The following EML5 variants were observed in gnomAD, a reference collection of about 807,000 sequenced individuals.
EML5 encodes echinoderm microtubule-associated protein-like 5.
EML5 carries 120 observed loss-of-function variants against 250.0 expected under a neutral mutation model. The observed-to-expected ratio is 0.48, with a 90% CI of 0.41 to 0.56. The LOEUF (loss-of-function observed/expected upper bound fraction) is 0.56. Among genes scored for constraint, EML5 ranks in the 20% least tolerant of loss-of-function variants. The pLI is 0.00. For synonymous variants in EML5, 771 were observed against 806.5 expected, an observed-to-expected ratio of 0.96 and a Z score of 0.75; for missense variants, 2,006 against 2,437.6, an observed-to-expected ratio of 0.82 and a Z score of 3.73.
chr14:88,791,844 C>G (rs2094611439), intron 1 of EML5, among the ~76,000 whole-genome samples: 1 of 152,188 alleles, frequency 6.6e-6, no homozygotes, highest in African/African-American at 2.4e-5. Context: ...CCCTTCAGGA[C>G]GCCACCCTGG....
In EML5 at chr14:88,649,928, T is replaced by C; in HGVS notation, c.4005-2A>G. On this transcript the variant is annotated splice_acceptor_variant, in intron 27 of 43. Coordinates refer to ENST00000554922, the MANE Select transcript of EML5 (RefSeq NM_183387.3). LOFTEE classifies it high-confidence loss of function. Reference sequence around the variant, plus strand: ...AACACTTACCTTACTACTCCCTGCCTTCAAAAGGAGCAAGGGGGAAAAAAG... The same window carrying C: ...AACACTTACCTTACTACTCCCTGCCCTCAAAAGGAGCAAGGGGGAAAAAAG... 6.7e-7 allele frequency: 1 copy of C among 1,486,874 alleles called. No homozygotes were observed. Among genetic ancestry groups the C allele is most frequent in the Non-Finnish European group, 8.9e-7 (1 of 1,118,784 alleles). The allele number at this position is 1,486,874 out of a possible 1,614,324, so 92.1% of individuals were successfully genotyped here.
intron 8 of EML5, among the ~76,000 whole-genome samples, chr14:88,721,982 A>G (rs948279680): frequency 2.0e-5 from 3 of 152,210 alleles, no homozygotes; most frequent in African/African-American, 7.2e-5. Flanking sequence ...TTGAAAGACA[A>G]CATTTATGTG....
At chr14:88,689,677 T>C (rs1595531984) in intron 17 of EML5, among the ~76,000 whole-genome samples, 1 of 152,218 alleles carries the variant, frequency 6.6e-6, no homozygotes, top group South Asian at 2.1e-4. Flanking sequence ...GAGGTTGCAG[T>C]GAGCCATGAT....
rs1402940561 is a variant in EML5, at chr14:88,682,049, G to A, written c.2983-18C>T. On this transcript the variant is annotated intron_variant, in intron 20 of 43. Coordinates refer to ENST00000554922, the MANE Select transcript of EML5 (RefSeq NM_183387.3). ...ATGTGTCCCTATAAAGAAAACATAG[G>A]ATCAATTTAGTGTATGTGTGTGTAT... 13 of 1,573,730 alleles carry A rather than the reference G, an allele frequency of 8.3e-6. No homozygotes were observed. The highest frequency in any genetic ancestry group is 1.1e-5 in the Non-Finnish European group (13 of 1,164,400).
chr14:88,633,063 C>A (rs1368141538), intron 33 of EML5, among the ~76,000 whole-genome samples: 1 of 152,120 alleles, frequency 6.6e-6, no homozygotes, highest in African/African-American at 2.4e-5. Context: ...CCTGTGATTT[C>A]TCCTAGTGAA....
At chr14:88,664,671 C>CT in intron 22 of EML5, 47 bp from the exon 23 acceptor site, 1 of 1,567,376 alleles carries the variant, frequency 6.4e-7, no homozygotes, top group Non-Finnish European at 8.6e-7. Context: ...TTTGGAAATA[C>CT]TTTTTTACAC....
rs189170187 is a variant in EML5 at position 88,681,333 on chromosome 14, G to A, written c.3124+557C>T. ...GTTCATTTTAAACTTGGAATTGGCCGGGGGCCGTGGCTCACGCCTGTGATC... is the reference window on the plus strand; with the variant it reads ...GTTCATTTTAAACTTGGAATTGGCCAGGGGCCGTGGCTCACGCCTGTGATC... On this transcript the variant is annotated intron_variant, in intron 21 of 43. Transcript: ENST00000554922. Among the ~76,000 whole-genome samples, 193 of 152,290 alleles carry A rather than the reference G, an allele frequency of 1.3e-3. 1 individual carries two copies. The highest frequency in any genetic ancestry group is 3.4e-3 in the African/African-American group (143 of 41,562).
intron 33 of EML5, among the ~76,000 whole-genome samples, chr14:88,630,005 C>G (rs1360044328): frequency 6.8e-6 from 1 of 148,014 alleles, no homozygotes; most frequent in Admixed American, 6.8e-5. Context: ...GCCTTTGATG[C>G]AGTATAATAA....
chr14:88,743,131 G>GA (rs1435576272), intron 4 of EML5, among the ~76,000 whole-genome samples: 1 of 152,072 alleles, frequency 6.6e-6, no homozygotes, highest in Non-Finnish European at 1.5e-5. Flanking sequence ...TCAAGGCTGA[G>GA]AGAGGGACAA....
chr14:88,726,809 A>G, intron 7 of EML5, 131 bp from the exon 8 acceptor site: 1 of 657,950 alleles, frequency 1.5e-6, no homozygotes, highest in Non-Finnish European at 2.4e-6. Flanking sequence ...GTGGCAAGAA[A>G]TTCTTATCTA....
chr14:88,702,503 A>G lies in EML5; in HGVS notation c.2181T>C (p.Asp727=). 1.2e-6 allele frequency: 2 copies of G among 1,613,544 alleles called. No individual in the cohort carries two copies. The highest frequency in any genetic ancestry group is 1.3e-5 in the African/African-American group (1 of 75,048). ...GAATAGTTAGGCAGAGAATATCATCATCATGACCCAGATAAAAACGCTGTG... is the reference window on the plus strand; with the variant it reads ...GAATAGTTAGGCAGAGAATATCATCGTCATGACCCAGATAAAAACGCTGTG... The part of the protein sequence containing the change: ...QNTQRFYLGH[D]DDILCLTIHP... The change falls in exon 14 of 44, where the codon GAT becomes GAC. Residue 727 remains aspartate (D), a synonymous_variant. Coordinates refer to ENST00000554922, the MANE Select transcript of EML5 (RefSeq NM_183387.3).
At position 88,628,000 on chromosome 14, in the gene EML5, G is replaced by A. The variant is rs1437178473; in HGVS notation, c.4358-181C>T. ...GAAAGGAAAAGGAGTTTTGGGGGTG[G>A]GGAGGAAAGAAAAGGAAAATATATA... On this transcript the variant is annotated intron_variant, in intron 33 of 43. Coordinates refer to ENST00000554922, the MANE Select transcript of EML5 (RefSeq NM_183387.3). The A allele has an allele frequency of 1.0e-5, 7 of 700,524 alleles. No homozygotes were observed. In the South Asian group the frequency reaches 1.1e-4, roughly 11 times the overall value. The allele number at this position is 700,524 out of a possible 1,614,324, so 43.4% of individuals were successfully genotyped here.
Position 88,621,177 on chromosome 14 carries a change from G to A in EML5, c.5138C>T (p.Ser1713Phe). The A allele has an allele frequency of 1.2e-6, 2 of 1,613,850 alleles. No individual in the cohort carries two copies. The highest frequency in any genetic ancestry group is 1.7e-6 in the Non-Finnish European group (2 of 1,179,854). Residue 1713 changes from serine to phenylalanine, a missense_variant, in exon 38 of 44, where the codon TCC (serine) becomes TTC (phenylalanine). Ser to Phe is a radical substitution (Grantham distance 155). Transcript: ENST00000554922. ...TGCAGCAGAAAGGAAAAAATCCCTG[G>A]AAGGATGTGTTGCTAGTCCCCAGAT... ...GPIWGLATHP[S>F]RDFFLSAAED... is the part of the protein sequence containing the mutation.
At chr14:88,668,115 T>G (rs542108243) in intron 21 of EML5, among the ~76,000 whole-genome samples, 7 of 152,364 alleles carry the variant, frequency 4.6e-5, no homozygotes, top group Admixed American at 1.3e-4. Flanking sequence ...CTAGGGTTGC[T>G]GCTTTCTATG....
chr14:88,627,361 C>A, intron 34 of EML5: 1 of 450,232 alleles, frequency 2.2e-6, no homozygotes, highest in Non-Finnish European at 3.9e-6. Flanking sequence ...CAAAACCAAT[C>A]AAATCATTAA....
Position 88,627,526 on chromosome 14 carries a change from C to A in EML5, c.4531+120G>T, listed in dbSNP as rs1367024715. On this transcript the variant is annotated intron_variant, in intron 34 of 43. Transcript: ENST00000554922. ...CAGTACCACTGTGTACAGTATATTG[C>A]ATAGGCCTCCACTGAATGATTGTTT... 2.6e-5 allele frequency: 25 copies of A among 966,288 alleles called. No homozygotes were observed. The Admixed American group carries it at 7.2e-4, about 28-fold the overall frequency. The allele number at this position is 966,288 out of a possible 1,614,324, so 59.9% of individuals were successfully genotyped here.
chr14:88,745,679 G>T (rs1253717174), intron 3 of EML5, among the ~76,000 whole-genome samples: 1 of 151,878 alleles, frequency 6.6e-6, no homozygotes, highest in African/African-American at 2.4e-5. Flanking sequence ...TTGAATAATG[G>T]GTGTCTGCAT....
At chr14:88,710,011 G>A (rs141470181) in intron 10 of EML5, among the ~76,000 whole-genome samples, 37 of 152,160 alleles carry the variant, frequency 2.4e-4, no homozygotes, top group African/African-American at 8.9e-4. Flanking sequence ...GGGGGTCTTG[G>A]CCATTATTAA....
chr14:88,680,592 T>G (rs1458309403), intron 21 of EML5, among the ~76,000 whole-genome samples: 1 of 152,136 alleles, frequency 6.6e-6, no homozygotes, highest in African/African-American at 2.4e-5. Context: ...TGAAGGGACA[T>G]ACATTAACTG....
Sources: allele counts gnomAD v4.1 joint callset (sites outside exome capture counted in the v4.1 genomes callset), GRCh38; gene constraint gnomAD v4.1.1; transcripts MANE v1.5; gene names NCBI Gene and HGNC (gene_info 2026-07-23, HGNC 2026-07-21).